Variants in TDRD6 observed in about 807,000 individuals in gnomAD.
TDRD6 encodes the protein tudor domain-containing protein 6.
In TDRD6, 186 loss-of-function variants were observed where a neutral mutation model predicts 157.5. The observed-to-expected ratio is 1.18, with a 90% confidence interval of 1.05 to 1.33. TDRD6 has a LOEUF of 1.33. TDRD6 is among the 40% of genes most tolerant of loss of function. TDRD6 has a pLI of 0.00. For missense variants in TDRD6, 3,066 were observed against 2,508.0 expected (o/e 1.22, Z -4.75); for synonymous variants, 1,075 against 945.2 (o/e 1.14, Z -2.52).
At chr6:46,681,753 A>G in the TDRD6 span, among the ~76,000 whole-genome samples, 1 of 152,206 alleles carries the variant, frequency 6.6e-6, no homozygotes, top group Non-Finnish European at 1.5e-5. Flanking sequence ...TAAGAAGGTA[A>G]TAACAAGGAA....
chr6:46,693,104 C>G lies in TDRD6; in HGVS notation c.4976C>G (p.Thr1659Arg), dbSNP rs1420918380. The stretch of plus-strand genomic sequence containing the variant: ...AATGACTATTTCTATGAAATAATAA[C>G]AGAAGATGTGTTGGAAATAACAATA... ...EGNDYFYEII[T>R]EDVLEITILE... Residue 1659 changes from threonine to arginine, a missense_variant, in exon 1 of 4, where the codon ACA becomes AGA. By Grantham distance (71) the Thr-to-Arg change is moderately conservative. Transcript: ENST00000316081. The G allele has an allele frequency of 6.2e-7, 1 of 1,613,444 alleles. No individual in the cohort carries two copies. Among genetic ancestry groups the G allele is most frequent in the Non-Finnish European group, 8.5e-7 (1 of 1,179,858 alleles).
chr6:46,690,562 A>G lies in TDRD6; in HGVS notation c.2434A>G (p.Thr812Ala). Residue 812 changes from threonine (T) to alanine (A), a missense_variant, in exon 1 of 4, where the codon ACA becomes GCA. By Grantham distance (58) the Thr-to-Ala change is moderately conservative. Transcript: ENST00000316081. ...TGATATTCAGTACTATTGCAAAAAT[A>G]CAGCTGCTCCTCACCAGAGAAACAC... is the stretch of plus-strand genomic sequence containing the variant. Reference protein sequence around the residue: ...MSDIQYYCKNTAAPHQRNTLA... With the variant: ...MSDIQYYCKNAAAPHQRNTLA... The G allele has an allele frequency of 1.2e-6, 2 of 1,614,216 alleles. No individual in the cohort carries two copies. The highest frequency in any genetic ancestry group is 8.5e-7 in the Non-Finnish European group (1 of 1,180,038).
At chr6:46,700,157 A>G (rs1266846471) in intron 3 of TDRD6, among the ~76,000 whole-genome samples, 2 of 152,204 alleles carry the variant, frequency 1.3e-5, no homozygotes, top group African/African-American at 2.4e-5. Flanking sequence ...TACAAGATTC[A>G]GTTTGGATAA....
Position 46,691,958 on chromosome 6 carries a change from CAG to C in TDRD6, c.3836_3837del (p.Arg1279LysfsTer7). 1.2e-6 allele frequency: 2 copies of C among 1,613,070 alleles called. No homozygotes were observed. The highest frequency in any genetic ancestry group is 1.1e-5 in the South Asian group (1 of 90,844). The stretch of plus-strand genomic sequence containing the variant: ...ACAGCAAGAGTAGAAGCTACTCTTT[CAG>C]AGAGAAAAATAGGAGATTCATGTGA... On this transcript the variant is annotated frameshift_variant, in exon 1 of 4. Transcript: ENST00000316081. LOFTEE classifies it high-confidence loss of function.
At chr6:46,699,104 A>C (rs978165936) in intron 3 of TDRD6, among the ~76,000 whole-genome samples, 3 of 152,160 alleles carry the variant, frequency 2.0e-5, no homozygotes, top group African/African-American at 7.2e-5. Context: ...TAGAGTTCAC[A>C]TGTAGCATTA....
intron 1 of TDRD6, 54 bp downstream of exon 1, chr6:46,694,228 G>C (rs1323051350): frequency 1.6e-6 from 2 of 1,275,298 alleles, no homozygotes; most frequent in Non-Finnish European, 2.1e-6. Context: ...TTTGAGACAG[G>C]GTCTTGCTCT....
chr6:46,686,810 T>C (rs1162406366), upstream of TDRD6, among the ~76,000 whole-genome samples: 2 of 152,202 alleles, frequency 1.3e-5, no homozygotes, highest in African/African-American at 4.8e-5. Context: ...GGTGGGATGA[T>C]AGAGATCAGA....
rs767818120 is a variant in TDRD6, at chr6:46,690,930, G to A, written c.2802G>A (p.Leu934=). 1.2e-6 allele frequency: 2 copies of A among 1,614,118 alleles called. No homozygotes were observed. The highest frequency in any genetic ancestry group is 2.2e-5 in the East Asian group (1 of 44,872). Reference sequence around the variant, plus strand: ...CTCTGGCTTCAATTAATGAAGAACTGTTTAACATTGTGGATTTGCTAACCC... The same window carrying A: ...CTCTGGCTTCAATTAATGAAGAACTATTTAACATTGTGGATTTGCTAACCC... The part of the protein sequence containing the change: ...IFALASINEE[L]FNIVDLLTPF... The change falls in exon 1 of 4, where the codon CTG becomes CTA. Residue 934 remains leucine (L), a synonymous_variant. Coordinates refer to ENST00000316081, the MANE Select transcript of TDRD6 (RefSeq NM_001010870.3).
chr6:46,684,072 G>C (rs996206305), upstream of TDRD6, among the ~76,000 whole-genome samples: 4 of 152,084 alleles, frequency 2.6e-5, no homozygotes, highest in African/African-American at 9.7e-5. Flanking sequence ...CTTACAAATG[G>C]AGGCCAATCC....
In TDRD6 at chr6:46,695,987, G is replaced by A. The variant is rs183285462; in HGVS notation, c.6171+42G>A. 6,180 of 1,587,350 alleles carry A rather than the reference G, an allele frequency of 3.9e-3. 30 individuals are homozygous for A. Among genetic ancestry groups the A allele is most frequent in the South Asian group, 0.012 (1,029 of 86,568 alleles). The stretch of plus-strand genomic sequence containing the variant: ...TACTTTATCTCCAAATGTATTTGCA[G>A]ACTATTAAGGAAAGTTTACCAGACT... On this transcript the variant is annotated intron_variant, in intron 2 of 3. Coordinates refer to ENST00000316081, the MANE Select transcript of TDRD6 (RefSeq NM_001010870.3).
chr6:46,687,909 G>T lies in TDRD6; in HGVS notation c.-220G>T, dbSNP rs1003275181. The T allele has an allele frequency of 3.3e-6, 2 of 614,062 alleles. No individual in the cohort carries two copies. Among genetic ancestry groups the T allele is most frequent in the East Asian group, 3.6e-5 (1 of 28,168 alleles). The allele number at this position is 614,062 out of a possible 1,614,324, so 38.0% of individuals were successfully genotyped here. On this transcript the variant is annotated 5_prime_UTR_variant, in exon 1 of 4. Transcript: ENST00000316081. ...CGTGCCCGGAAGCGCGACCTCGGGC[G>T]GTTGGAGGGGCTACCGGGTCTTACC...
At position 46,690,452 on chromosome 6, in the gene TDRD6, A is replaced by G; in HGVS notation, c.2324A>G (p.Glu775Gly). ...KGELEVGSTV[E>G]VRVSYVENPG... ...GAGCTGGAAGTTGGAAGTACAGTAGAAGTCAGAGTGTCTTATGTTGAAAAC... is the reference window on the plus strand; with the variant it reads ...GAGCTGGAAGTTGGAAGTACAGTAGGAGTCAGAGTGTCTTATGTTGAAAAC... The change falls in exon 1 of 4, where the codon GAA (glutamate) becomes GGA (glycine). Residue 775 changes from glutamate (E) to glycine (G), a missense_variant. Glu to Gly is a moderately conservative substitution (Grantham distance 98). Transcript: ENST00000316081. 1.2e-6 allele frequency: 2 copies of G among 1,614,134 alleles called. No individual in the cohort carries two copies. The highest frequency in any genetic ancestry group is 1.7e-6 in the Non-Finnish European group (2 of 1,180,016).
chr6:46,689,434 G>A lies in TDRD6; in HGVS notation c.1306G>A (p.Gly436Arg). ...TGGGATTAATCTGAACCGTGTGTTT[G>A]GAGTACAGTCGTGTTGCTTGGCTGA... ...EDGINLNRVF[G>R]VQSCCLADRV... The change falls in exon 1 of 4, where the codon GGA (glycine) becomes AGA (arginine). Residue 436 changes from glycine to arginine, a missense_variant. Transcript: ENST00000316081. 6.2e-7 allele frequency: 1 copy of A among 1,613,332 alleles called. No homozygotes were observed. The highest frequency in any genetic ancestry group is 8.5e-7 in the Non-Finnish European group (1 of 1,180,024).
At chr6:46,681,418 CT>C in the TDRD6 span, 10 of 385,844 alleles carry the variant, frequency 2.6e-5, no homozygotes. Context: ...ACTATTTGGC[CT>C]TCATTGATGC....
upstream of TDRD6, among the ~76,000 whole-genome samples, chr6:46,683,451 T>C (rs1382950168): frequency 2.6e-5 from 4 of 151,924 alleles, no homozygotes. Context: ...AACAACAAAA[T>C]AAACTACCAT....
At position 46,692,445 on chromosome 6, in the gene TDRD6, C is replaced by T. The variant is rs1471096570; in HGVS notation, c.4317C>T (p.Ser1439=). The T allele has an allele frequency of 2.5e-6, 4 of 1,613,832 alleles. No homozygotes were observed. Among genetic ancestry groups the T allele is most frequent in the Non-Finnish European group, 3.4e-6 (4 of 1,179,990 alleles). Residue 1439 remains serine, a synonymous_variant, in exon 1 of 4, where the codon TCC becomes TCT. Transcript: ENST00000316081. ...CTAAGAAAATGATGCATTACTTTTC[C>T]CAACGGACCAGCGAGGCTGCAATAA... ...KNSKKMMHYF[S]QRTSEAAIRC...
Position 46,693,527 on chromosome 6 carries a change from A to G in TDRD6, c.5399A>G (p.His1800Arg), listed in dbSNP as rs775613029. 21 of 1,613,876 alleles carry G rather than the reference A, an allele frequency of 1.3e-5. No homozygotes were observed. Among genetic ancestry groups the G allele is most frequent in the Non-Finnish European group, 1.5e-5 (18 of 1,179,902 alleles). Reference sequence around the variant, plus strand: ...GAACTGGAAGGTGAATTAGAGTGCCATCTGGTTGACAAAGCAGAGTTTGAT... The same window carrying G: ...GAACTGGAAGGTGAATTAGAGTGCCGTCTGGTTGACAAAGCAGAGTTTGAT... Reference protein sequence around the residue: ...TEELEGELECHLVDKAEFDDK... With the variant: ...TEELEGELECRLVDKAEFDDK... The change falls in exon 1 of 4, where the codon CAT becomes CGT. Residue 1800 changes from histidine to arginine, a missense_variant. Coordinates refer to ENST00000316081, the MANE Select transcript of TDRD6 (RefSeq NM_001010870.3).
rs753850761 is a variant in TDRD6 at position 46,693,997 on chromosome 6, T to C, written c.5869T>C (p.Leu1957=). 1 of 1,613,824 alleles carries C rather than the reference T, an allele frequency of 6.2e-7. No individual in the cohort carries two copies. Among genetic ancestry groups the C allele is most frequent in the African/African-American group, 1.3e-5 (1 of 74,912 alleles). The change falls in exon 1 of 4, where the codon TTG becomes CTG. Residue 1957 remains leucine (L), a synonymous_variant. Transcript: ENST00000316081. ...TTTTGATGACCAGCGCAGGATGTCA[T>C]TGCATCTACATGGAGCAGATTGTGA... ...ESFDDQRRMS[L]HLHGADCDPK... is the part of the protein sequence containing the mutation.
chr6:46,691,172 T>A lies in TDRD6; in HGVS notation c.3044T>A (p.Leu1015Ter). The A allele has an allele frequency of 6.2e-7, 1 of 1,613,684 alleles. No individual in the cohort carries two copies. The highest frequency in any genetic ancestry group is 8.5e-7 in the Non-Finnish European group (1 of 1,179,834). Reference protein sequence around the residue: ...LARNANILEQLSCSITQLSKV... With the variant: ...LARNANILEQ ...AGAAATGCAAATATTTTAGAACAGT[T>A]GTCATGTAGTATTACACAATTAAGT... is the stretch of plus-strand genomic sequence containing the variant. Residue 1015 changes from leucine to a stop codon, truncating the protein, a stop_gained, in exon 1 of 4, where the codon TTG (leucine) becomes TAG (stop). Coordinates refer to ENST00000316081, the MANE Select transcript of TDRD6 (RefSeq NM_001010870.3). LOFTEE classifies it high-confidence loss of function.
Sources: allele counts gnomAD v4.1 joint callset (sites outside exome capture counted in the v4.1 genomes callset), GRCh38; gene constraint gnomAD v4.1.1; transcripts MANE v1.5; gene names NCBI Gene and HGNC (gene_info 2026-07-23, HGNC 2026-07-21).